The following ARMC8 variants were observed in gnomAD, a reference collection of about 807,000 sequenced individuals.
ARMC8 encodes armadillo repeat containing 8, also known as armadillo repeat-containing protein 8.
Under a neutral mutation model 99.3 loss-of-function variants are expected in ARMC8, and 20 were observed. That is an observed-to-expected ratio of 0.20 (90% CI 0.14 to 0.29). The LOEUF (loss-of-function observed/expected upper bound fraction) is 0.29. Ranked by LOEUF, ARMC8 falls within the 10% of genes least tolerant of loss-of-function variation. The pLI, the probability that ARMC8 is intolerant of heterozygous loss-of-function variation, is 1.00. For missense variants in ARMC8, 569 were observed against 809.5 expected (o/e 0.70, Z 3.60); for synonymous variants, 263 against 278.3 (o/e 0.95, Z 0.55).
At chr3:138,213,179 C>G (rs2044805692) in intron 2 of ARMC8, among the ~76,000 whole-genome samples, 1 of 152,198 alleles carries the variant, frequency 6.6e-6, no homozygotes, top group Non-Finnish European at 1.5e-5. Flanking sequence ...AATAATGATT[C>G]TTCATCATAG....
At chr3:138,248,068 C>G (rs1208885919) in intron 12 of ARMC8, among the ~76,000 whole-genome samples, 1 of 152,028 alleles carries the variant, frequency 6.6e-6, no homozygotes, top group Non-Finnish European at 1.5e-5. Flanking sequence ...TTGAAAATTT[C>G]TTAATTTATT....
intron 10 of ARMC8, among the ~76,000 whole-genome samples, chr3:138,239,986 A>G (rs1197989339): frequency 6.6e-6 from 1 of 152,220 alleles, no homozygotes; most frequent in East Asian, 1.9e-4. Flanking sequence ...AAGCATTGTC[A>G]TTGTGATATG....
Position 138,211,272 on chromosome 3 carries a change from A to G in ARMC8, c.122+1379A>G, listed in dbSNP as rs2044681521. Among the ~76,000 whole-genome samples the G allele has an allele frequency of 2.6e-5, 4 of 152,310 alleles. No individual in the cohort carries two copies. The South Asian group carries it at 8.3e-4, about 32-fold the overall frequency. ...AGTATTACTTAAAATTACTCAATAAATGGTTGAGAATGTTAGACTTATTAA... is the reference window on the plus strand; with the variant it reads ...AGTATTACTTAAAATTACTCAATAAGTGGTTGAGAATGTTAGACTTATTAA... On this transcript the variant is annotated intron_variant, in intron 2 of 21. Coordinates refer to ENST00000469044, the MANE Select transcript of ARMC8 (RefSeq NM_001363941.2).
At chr3:138,204,816 C>G (rs2044270705) in intron 1 of ARMC8, among the ~76,000 whole-genome samples, 2 of 152,072 alleles carry the variant, frequency 1.3e-5, no homozygotes, top group African/African-American at 4.8e-5. Context: ...CAGGATCACT[C>G]CCTTAGTTAA....
intron 5 of ARMC8, among the ~76,000 whole-genome samples, chr3:138,227,391 C>G (rs770959720): frequency 7.9e-5 from 12 of 152,216 alleles, no homozygotes; most frequent in Non-Finnish European, 8.8e-5. Context: ...TAGCTGCTAC[C>G]TGCTTCACTA....
intron 18 of ARMC8, among the ~76,000 whole-genome samples, chr3:138,276,131 G>A (rs1466323659): frequency 6.6e-6 from 1 of 152,184 alleles, no homozygotes; most frequent in Admixed American, 6.5e-5. Flanking sequence ...TATTGTTTTT[G>A]CAGGACACAA....
chr3:138,229,984 A>G (rs2045949471), intron 6 of ARMC8, among the ~76,000 whole-genome samples: 1 of 152,154 alleles, frequency 6.6e-6, no homozygotes, highest in Non-Finnish European at 1.5e-5. Context: ...ATGAAACCTA[A>G]ATCACCCAGT....
chr3:138,277,932 CTG>C lies in ARMC8; in HGVS notation c.1725+3390_1725+3391del, dbSNP rs1469620081. ...CACAGTCACAATAAAGAGGGACAAA[CTG>C]TTGCTGTATGTAACAACATGGATGA... On this transcript the variant is annotated intron_variant, in intron 18 of 21. Coordinates refer to ENST00000469044, the MANE Select transcript of ARMC8 (RefSeq NM_001363941.2). Among the ~76,000 whole-genome samples, 5 of 152,308 alleles carry C rather than the reference CTG, an allele frequency of 3.3e-5. No homozygotes were observed. The East Asian group carries it at 7.7e-4, about 24-fold the overall frequency.
intron 13 of ARMC8, 63 bp downstream of exon 13, chr3:138,263,884 G>C: frequency 7.2e-7 from 1 of 1,393,624 alleles, no homozygotes; most frequent in South Asian, 1.2e-5. Context: ...TTTCCTTTCT[G>C]GTCCTTCACT....
At chr3:138,222,962 C>T (rs1264023651) in intron 3 of ARMC8, among the ~76,000 whole-genome samples, 1 of 152,088 alleles carries the variant, frequency 6.6e-6, no homozygotes, top group African/African-American at 2.4e-5. Flanking sequence ...CTGAATATTC[C>T]CTATAGGCTC....
At chr3:138,232,570 C>G (rs1027742025) in intron 6 of ARMC8, among the ~76,000 whole-genome samples, 15 of 152,114 alleles carry the variant, frequency 9.9e-5, no homozygotes, top group Non-Finnish European at 1.9e-4. Flanking sequence ...AGACGGAAAA[C>G]AATCTAAGTG....
At chr3:138,189,713 C>T (rs994324422) in intron 1 of ARMC8, among the ~76,000 whole-genome samples, 2 of 152,092 alleles carry the variant, frequency 1.3e-5, no homozygotes, top group Admixed American at 1.3e-4. Flanking sequence ...CTCTTTATAC[C>T]TTCTCCTTGG....
At chr3:138,261,510 A>G (rs75667398) in intron 12 of ARMC8, 1 of 152,226 alleles carries the variant, frequency 6.6e-6, no homozygotes, top group Admixed American at 6.5e-5. Context: ...AGGTCAGGAA[A>G]GAACTCTAGG....
chr3:138,279,589 T>C (rs1445725819), intron 18 of ARMC8, among the ~76,000 whole-genome samples: 2 of 152,356 alleles, frequency 1.3e-5, no homozygotes, highest in East Asian at 1.9e-4. Context: ...TCTTCAATTT[T>C]CTGCAAAAAT....
chr3:138,194,922 A>G (rs1040055635), intron 1 of ARMC8, among the ~76,000 whole-genome samples: 2 of 152,180 alleles, frequency 1.3e-5, no homozygotes, highest in African/African-American at 2.4e-5. Flanking sequence ...AAAGTTTGCC[A>G]TTAGTTTACA....
rs74842793 is a variant in ARMC8 at position 138,216,939 on chromosome 3, A to T, written c.123-4987A>T. Among the ~76,000 whole-genome samples the T allele has an allele frequency of 4.2e-3, 647 of 152,344 alleles. 45 individuals carry two copies. The East Asian group carries it at 0.1, about 24-fold the overall frequency. Reference sequence around the variant, plus strand: ...CAGTTAAAGACAGTTAAAGTCAGTGACCCTGTAAGAATATAATACTGTATT... The same window carrying T: ...CAGTTAAAGACAGTTAAAGTCAGTGTCCCTGTAAGAATATAATACTGTATT... On this transcript the variant is annotated intron_variant, in intron 2 of 21. Coordinates refer to ENST00000469044, the MANE Select transcript of ARMC8 (RefSeq NM_001363941.2).
chr3:138,262,432 G>C (rs750254040), intron 12 of ARMC8: 9 of 1,269,078 alleles, frequency 7.1e-6, no homozygotes, highest in African/African-American at 1.5e-5. Flanking sequence ...TATTTTCCCT[G>C]ATCATTGTTA....
intron 6 of ARMC8, among the ~76,000 whole-genome samples, chr3:138,233,262 C>T (rs1048909947): frequency 5.3e-5 from 8 of 152,250 alleles, no homozygotes; most frequent in Middle Eastern, 6.8e-3. Context: ...CACTTAAAAC[C>T]AATGCCCTGA....
intron 12 of ARMC8, among the ~76,000 whole-genome samples, chr3:138,254,457 A>G (rs1481581590): frequency 6.6e-6 from 1 of 152,204 alleles, no homozygotes; most frequent in Non-Finnish European, 1.5e-5. Context: ...ATTGTGTTGC[A>G]CAATTCCTGG....
Sources: gnomAD v4.1 joint callset for allele counts (sites outside exome capture counted in the v4.1 genomes callset) on GRCh38, gnomAD v4.1.1 for gene constraint, MANE v1.5 for transcripts, NCBI Gene and HGNC (gene_info 2026-07-23, HGNC 2026-07-21) for gene names.